Variants in FRY observed in about 807,000 individuals in gnomAD.
The protein encoded by FRY is protein furry homolog.
A neutral mutation model predicts 348.4 loss-of-function variants in FRY; 128 were observed. That is an observed-to-expected ratio of 0.37 (90% CI 0.32 to 0.43). FRY has a LOEUF of 0.43. Ranked by LOEUF, FRY falls within the 20% of genes least tolerant of loss-of-function variation. FRY has a pLI of 1.00. For synonymous variants in FRY, 1,370 were observed against 1,374.7 expected (o/e 1.00, Z 0.08); for missense variants, 2,736 against 3,695.2 (o/e 0.74, Z 6.73).
intron 1 of FRY, among the ~76,000 whole-genome samples, chr13:32,036,736 G>A (rs1232748072): frequency 6.7e-6 from 1 of 149,736 alleles, no homozygotes; most frequent in Non-Finnish European, 1.5e-5. Flanking sequence ...TAAGTGTCAT[G>A]CACATTTTCG....
chr13:32,146,073 A>C (rs1880425420), intron 11 of FRY, among the ~76,000 whole-genome samples: 1 of 151,798 alleles, frequency 6.6e-6, no homozygotes, highest in Admixed American at 6.6e-5. Flanking sequence ...CTGGCCCTTC[A>C]CCAGCATACA....
chr13:32,230,340 G>A (rs1259744124), intron 40 of FRY, among the ~76,000 whole-genome samples: 6 of 152,164 alleles, frequency 3.9e-5, no homozygotes, highest in Non-Finnish European at 7.3e-5. Flanking sequence ...CTGTTCCTGC[G>A]TTAGTTTGCT....
chr13:32,276,884 C>T (rs1435729230), intron 57 of FRY, among the ~76,000 whole-genome samples: 1 of 152,136 alleles, frequency 6.6e-6, no homozygotes, highest in Non-Finnish European at 1.5e-5. Flanking sequence ...TGATTATTTC[C>T]TTCCAGTGTT....
At chr13:32,132,078 C>CT (rs1284865807) in intron 8 of FRY, among the ~76,000 whole-genome samples, 11 of 152,040 alleles carry the variant, frequency 7.2e-5, no homozygotes, top group Non-Finnish European at 1.2e-4. Context: ...TGTTTGCTGA[C>CT]TTTTTTCTCT....
intron 40 of FRY, 137 bp downstream of exon 40, chr13:32,228,791 G>T: frequency 1.3e-6 from 1 of 769,102 alleles, no homozygotes; most frequent in Non-Finnish European, 2.3e-6. Context: ...TGCAACTGCT[G>T]GAGTCTGTGT....
chr13:32,086,035 TA>T, intron 2 of FRY: 1 of 514,296 alleles, frequency 1.9e-6, no homozygotes. Flanking sequence ...ACCTAGGCGG[TA>T]AAACCAGAGA....
chr13:32,267,343 T>C lies in FRY; in HGVS notation c.8120T>C (p.Phe2707Ser). 1 of 1,614,028 alleles carries C rather than the reference T, an allele frequency of 6.2e-7. No homozygotes were observed. Among genetic ancestry groups the C allele is most frequent in the Non-Finnish European group, 8.5e-7 (1 of 1,179,936 alleles). ...TGTGCTGTGTATACATTTCATGTGT[T>C]CTCCTCCTTGTTTAAGGTATGTGTG... ...GSCAVYTFHV[F>S]SSLFKNIQKR... is the part of the protein sequence containing the mutation. Residue 2707 changes from phenylalanine (F) to serine (S), a missense_variant, in exon 55 of 61, where the codon TTC (phenylalanine) becomes TCC (serine). This residue lies in a region of FRY where 789 missense variants were observed against 996.2 expected (regional missense o/e 0.79). Coordinates refer to ENST00000542859, the MANE Select transcript of FRY (RefSeq NM_023037.3).
Position 32,116,993 on chromosome 13 carries a change from C to T in FRY, c.325-341C>T, listed in dbSNP as rs1206052274. On this transcript the variant is annotated intron_variant, in intron 3 of 60. Coordinates refer to ENST00000542859, the MANE Select transcript of FRY (RefSeq NM_023037.3). ...ATTTATACAACAAACATTTTTAGGA[C>T]GGAAGAAGCATTCATCTACTTTAGG... 5.3e-5 allele frequency among the ~76,000 whole-genome samples: 8 copies of T among 152,144 alleles called. No individual in the cohort carries two copies. The East Asian group carries it at 5.8e-4, about 11-fold the overall frequency.
At chr13:32,232,434 C>A (rs962503964) in intron 41 of FRY, among the ~76,000 whole-genome samples, 1 of 152,152 alleles carries the variant, frequency 6.6e-6, no homozygotes, top group Non-Finnish European at 1.5e-5. Flanking sequence ...TTAGTCAGGG[C>A]GGCATAGCTG....
At chr13:32,200,835 T>A (rs1566127770) in intron 29 of FRY, among the ~76,000 whole-genome samples, 1 of 152,184 alleles carries the variant, frequency 6.6e-6, no homozygotes, top group Admixed American at 6.6e-5. Context: ...TCCTGATGAT[T>A]TTATCTCCTT....
intron 60 of FRY, 71 bp downstream of exon 60, chr13:32,294,641 A>T: frequency 8.5e-7 from 1 of 1,170,420 alleles, no homozygotes; most frequent in Non-Finnish European, 1.3e-6. Flanking sequence ...TCATGGTTGG[A>T]GTCTAGCCCA....
chr13:32,245,180 C>A lies in FRY; in HGVS notation c.6828+998C>A, dbSNP rs545068465. On this transcript the variant is annotated intron_variant, in intron 47 of 60. Coordinates refer to ENST00000542859, the MANE Select transcript of FRY (RefSeq NM_023037.3). ...GGCCAGGCTGGTCTCGAACTCCTGA[C>A]CTCGTGATCCACCGCCTCGGCCTCC... Among the ~76,000 whole-genome samples the A allele has an allele frequency of 2.3e-3, 345 of 152,184 alleles. 3 individuals carry two copies. Among genetic ancestry groups the A allele is most frequent in the African/African-American group, 7.8e-3 (326 of 41,532 alleles).
In FRY at chr13:32,032,027, C is replaced by CTTTCTTTCTTTCTT. The variant is rs1872262148; in HGVS notation, c.70+164_70+177dup. ...TTTCTTTCTTTCTTTCTTTCTTTTT[C>CTTTCTTTCTTTCTT]TTTCTTTCTTTCTTTCTTTTTTTGC... On this transcript the variant is annotated intron_variant, in intron 1 of 60. Transcript: ENST00000542859. 1.7e-3 allele frequency among the ~76,000 whole-genome samples: 119 copies of CTTTCTTTCTTTCTT among 71,686 alleles called. 1 individual carries two copies. The highest frequency in any genetic ancestry group is 4.6e-3 in the African/African-American group (109 of 23,558). 47.0% of individuals were successfully genotyped at this position (71,686 alleles called of 152,430 possible).
chr13:32,295,770 A>G lies in FRY; in HGVS notation c.*310A>G, dbSNP rs955435347. 12 of 418,488 alleles carry G rather than the reference A, an allele frequency of 2.9e-5. No individual in the cohort carries two copies. Among genetic ancestry groups the G allele is most frequent in the African/African-American group, 2.0e-4 (10 of 50,888 alleles). The allele number at this position is 418,488 out of a possible 1,614,324, so 25.9% of individuals were successfully genotyped here. On this transcript the variant is annotated 3_prime_UTR_variant, in exon 61 of 61. Transcript: ENST00000542859. Reference sequence around the variant, plus strand: ...TCCGTTGCATACCAAAGCCGACTACACTGAACAGTACCTTCCTTTCTAGAA... The same window carrying G: ...TCCGTTGCATACCAAAGCCGACTACGCTGAACAGTACCTTCCTTTCTAGAA...
In FRY at chr13:32,274,833, G is replaced by C. The variant is rs371087214; in HGVS notation, c.8137-9G>C. On this transcript the variant is annotated splice_polypyrimidine_tract_variant and intron_variant, in intron 55 of 60. Coordinates refer to ENST00000542859, the MANE Select transcript of FRY (RefSeq NM_023037.3). ...GACCTTTACAAATGGTCACTATTTT[G>C]CCTTGCAGAATATTCAGAAAAGGTT... The C allele has an allele frequency of 5.0e-6, 8 of 1,607,928 alleles. No individual in the cohort carries two copies. The highest frequency in any genetic ancestry group is 6.8e-6 in the Non-Finnish European group (8 of 1,175,876).
rs1403693487 is a variant in FRY, at chr13:32,295,837, A to G, written c.*377A>G. The G allele has an allele frequency of 4.6e-6, 1 of 219,280 alleles. No individual in the cohort carries two copies. The highest frequency in any genetic ancestry group is 9.1e-6 in the Non-Finnish European group (1 of 109,366). The allele number at this position is 219,280 out of a possible 1,614,324, so 13.6% of individuals were successfully genotyped here. The stretch of plus-strand genomic sequence containing the variant: ...AAAAGTGCAATGTTTTCTTCACTCA[A>G]AAAATTTTATATTCTCAAACATGTA... On this transcript the variant is annotated 3_prime_UTR_variant, in exon 61 of 61. Coordinates refer to ENST00000542859, the MANE Select transcript of FRY (RefSeq NM_023037.3).
intron 20 of FRY, among the ~76,000 whole-genome samples, 159 bp from the exon 21 acceptor site, chr13:32,178,018 G>C (rs544064606): frequency 6.6e-6 from 1 of 152,262 alleles, no homozygotes; most frequent in Non-Finnish European, 1.5e-5. Context: ...ACACACCAAG[G>C]TCAAATGTGG....
At chr13:32,130,628 C>T (rs1226108745) in intron 7 of FRY, among the ~76,000 whole-genome samples, 2 of 152,052 alleles carry the variant, frequency 1.3e-5, no homozygotes, top group Non-Finnish European at 2.9e-5. Context: ...TTTTTACAAA[C>T]ATGGATGATA....
intron 15 of FRY, 142 bp downstream of exon 15, chr13:32,155,804 G>C: frequency 1.6e-6 from 1 of 614,714 alleles, no homozygotes; most frequent in Non-Finnish European, 2.8e-6. Context: ...TGTTTTGATT[G>C]ATTCATGCTG....
Sources: gnomAD v4.1 joint callset for allele counts (sites outside exome capture counted in the v4.1 genomes callset) on GRCh38, gnomAD v4.1.1 for gene constraint, gnomAD v4.1.1 regional missense constraint, MANE v1.5 for transcripts, NCBI Gene and HGNC (gene_info 2026-07-23, HGNC 2026-07-21) for gene names.